The following INSRR variants were observed in gnomAD, a reference collection of about 807,000 sequenced individuals.
INSRR encodes the protein insulin receptor-related protein.
INSRR carries 114 observed loss-of-function variants against 130.0 expected under a neutral mutation model. That is an observed-to-expected ratio of 0.88 (90% CI 0.75 to 1.02). The LOEUF (loss-of-function observed/expected upper bound fraction) is 1.02. INSRR is among the 50% of genes least tolerant of loss of function. INSRR has a pLI of 0.00. For synonymous variants in INSRR, 674 were observed against 705.2 expected (o/e 0.96, Z 0.70); for missense variants, 1,657 against 1,735.2 (o/e 0.95, Z 0.80).
intron 4 of INSRR, 24 bp from the exon 5 acceptor site, chr1:156,851,458 G>C: frequency 6.2e-7 from 1 of 1,614,018 alleles, no homozygotes; most frequent in African/African-American, 1.3e-5. Flanking sequence ...GACAGGGCTG[G>C]AGTAGGAGCA....
At chr1:156,855,782 G>A (rs1461659208) in intron 1 of INSRR, among the ~76,000 whole-genome samples, 2 of 152,052 alleles carry the variant, frequency 1.3e-5, no homozygotes, top group African/African-American at 2.4e-5. Flanking sequence ...CCGTGATCAC[G>A]CCACTGCACT....
chr1:156,852,095 G>A lies in INSRR; in HGVS notation c.734C>T (p.Ala245Val), dbSNP rs1655236458. The change falls in exon 3 of 22, where the codon GCC (alanine) becomes GTC (valine). Residue 245 changes from alanine (A) to valine (V), a missense_variant. Ala to Val is a moderately conservative substitution (Grantham distance 64). Transcript: ENST00000368195. The stretch of plus-strand genomic sequence containing the variant: ...GTAGAGGTGGCGGCAAGCTACACAG[G>A]CACGAGGGTCTTCTGGCTGGCTGCA... Reference protein sequence around the residue: ...GGCSQPEDPRACVACRHLYFQ... With the variant: ...GGCSQPEDPRVCVACRHLYFQ... 6.2e-7 allele frequency: 1 copy of A among 1,613,616 alleles called. No homozygotes were observed. The highest frequency in any genetic ancestry group is 1.3e-5 in the African/African-American group (1 of 74,934).
In INSRR at chr1:156,851,939, T is replaced by C; in HGVS notation, c.890A>G (p.Gln297Arg). 6.2e-7 allele frequency: 1 copy of C among 1,604,256 alleles called. No homozygotes were observed. Among genetic ancestry groups the C allele is most frequent in the Non-Finnish European group, 8.5e-7 (1 of 1,172,520 alleles). Residue 297 changes from glutamine (Q) to arginine (R), a missense_variant, in exon 3 of 22, where the codon CAG (glutamine) becomes CGG (arginine). Gln to Arg is a conservative substitution (Grantham distance 43, BLOSUM62 1). Coordinates refer to ENST00000368195, the MANE Select transcript of INSRR (RefSeq NM_014215.3). ...AGGGCACTGGGCCAGGCAACTGCCC[T>C]GGTGTATGCCGAAGGTGGAGGCACG... Reference protein sequence around the residue: ...PGRASTFGIHQGSCLAQCPSG... With the variant: ...PGRASTFGIHRGSCLAQCPSG...
In INSRR at chr1:156,845,619, A is replaced by T. The variant is rs149045422; in HGVS notation, c.2174T>A (p.Ile725Lys). The T allele has an allele frequency of 1.3e-6, 2 of 1,508,270 alleles. No homozygotes were observed. The highest frequency in any genetic ancestry group is 8.9e-7 in the Non-Finnish European group (1 of 1,117,688). The allele number at this position is 1,508,270 out of a possible 1,614,324, so 93.4% of individuals were successfully genotyped here. ...NFLHNAITIP[I>K]SPWKVTSINK... Reference sequence around the variant, plus strand: ...CCCAGGCCGCGCGCGCTCTTCGCACATGGGGATGGTGATCGCGTTGTGTAG... The same window carrying T: ...CCCAGGCCGCGCGCGCTCTTCGCACTTGGGGATGGTGATCGCGTTGTGTAG... Residue 725 changes from isoleucine (I) to lysine (K), a missense_variant and splice_region_variant, in exon 10 of 22, where the codon ATA (isoleucine) becomes AAA (lysine). Transcript: ENST00000368195.
At position 156,858,745 on chromosome 1, in the gene INSRR, A is replaced by T; in HGVS notation, c.-124T>A. On this transcript the variant is annotated 5_prime_UTR_variant, in exon 1 of 22. Coordinates refer to ENST00000368195, the MANE Select transcript of INSRR (RefSeq NM_014215.3). ...GATAGGAGAGGGAGGGCAGGGGCAG[A>T]GAGACAAGGAATCCCACACAGAGAC... 1 of 760,142 alleles carries T rather than the reference A, an allele frequency of 1.3e-6. No individual in the cohort carries two copies. The highest frequency in any genetic ancestry group is 1.5e-5 in the South Asian group (1 of 68,358). The allele number at this position is 760,142 out of a possible 1,614,324, so 47.1% of individuals were successfully genotyped here. A position where few individuals can be genotyped will look rare whatever the true frequency, so the allele number is the denominator to read the frequency against.
Position 156,851,355 on chromosome 1 carries a change from A to G in INSRR, c.1164T>C (p.Phe388=). The change falls in exon 5 of 22, where the codon TTT becomes TTC. Residue 388 remains phenylalanine, a synonymous_variant. Transcript: ENST00000368195. ...TGAAAAAGCCCAGGGACACGAGGGC[A>G]AAGGAGTGCTTGATTTTGAGGAAGC... is the stretch of plus-strand genomic sequence containing the variant. ...ITGFLKIKHS[F]ALVSLGFFKN... The G allele has an allele frequency of 6.2e-7, 1 of 1,614,136 alleles. No homozygotes were observed. The highest frequency in any genetic ancestry group is 8.5e-7 in the Non-Finnish European group (1 of 1,179,998).
Position 156,848,802 on chromosome 1 carries a change from G to A in INSRR, c.1571+119C>T, listed in dbSNP as rs1045911215. 8.8e-6 allele frequency: 11 copies of A among 1,245,674 alleles called. No individual in the cohort carries two copies. The East Asian group carries it at 1.0e-4, about 12-fold the overall frequency. 77.2% of individuals were successfully genotyped at this position (1,245,674 alleles called of 1,614,324 possible). On this transcript the variant is annotated intron_variant, in intron 7 of 21. Transcript: ENST00000368195. Reference sequence around the variant, plus strand: ...GCCCTACCACGGAGTACAACTTGCGGGTCCTGGCTTCCTGGGTCTTCATAG... The same window carrying A: ...GCCCTACCACGGAGTACAACTTGCGAGTCCTGGCTTCCTGGGTCTTCATAG...
At chr1:156,846,394 T>A in intron 8 of INSRR, 125 bp downstream of exon 8, 1 of 829,916 alleles carries the variant, frequency 1.2e-6, no homozygotes, top group South Asian at 1.7e-5. Context: ...GACTCAAGCA[T>A]CTGGCCTTCC....
intron 7 of INSRR, 96 bp from the exon 8 acceptor site, chr1:156,846,853 C>G: frequency 9.8e-7 from 1 of 1,023,632 alleles, no homozygotes; most frequent in Admixed American, 1.8e-5. Flanking sequence ...CATTGTCCTT[C>G]CAGTATGCAT....
At position 156,840,849 on chromosome 1, in the gene INSRR, G is replaced by A; in HGVS notation, c.*24C>T. ...GTCCCTTCCTGTCTCCCCATGGGAG[G>A]CCAGCCAGGGAATGAGGTGCCCCTC... On this transcript the variant is annotated 3_prime_UTR_variant, in exon 22 of 22. Coordinates refer to ENST00000368195, the MANE Select transcript of INSRR (RefSeq NM_014215.3). 1.3e-6 allele frequency: 2 copies of A among 1,573,088 alleles called. No homozygotes were observed. Among genetic ancestry groups the A allele is most frequent in the Non-Finnish European group, 1.7e-6 (2 of 1,146,266 alleles).
At chr1:156,851,577 T>C in intron 4 of INSRR, 69 bp downstream of exon 4, 1 of 1,610,932 alleles carries the variant, frequency 6.2e-7, no homozygotes, top group Non-Finnish European at 8.5e-7. Flanking sequence ...GTTGGGTCAT[T>C]GTAAGGGTTG....
rs188542430 is a variant in INSRR, at chr1:156,851,179, C to T, written c.1229+111G>A. 170 of 1,185,516 alleles carry T rather than the reference C, an allele frequency of 1.4e-4. No homozygotes were observed. The highest frequency in any genetic ancestry group is 7.6e-4 in the Middle Eastern group (4 of 5,242). The allele number at this position is 1,185,516 out of a possible 1,614,324, so 73.4% of individuals were successfully genotyped here. A position where few individuals can be genotyped will look rare whatever the true frequency, so the allele number is the denominator to read the frequency against. On this transcript the variant is annotated intron_variant, in intron 5 of 21. Coordinates refer to ENST00000368195, the MANE Select transcript of INSRR (RefSeq NM_014215.3). ...AGAAGTTAACCTACTTAGAGTCACA[C>T]GCCTAGTGAGTAGCAAAATTGGTTC... is the stretch of plus-strand genomic sequence containing the variant.
chr1:156,858,283 C>T (rs1157328843), intron 1 of INSRR, among the ~76,000 whole-genome samples: 1 of 152,214 alleles, frequency 6.6e-6, no homozygotes, highest in African/African-American at 2.4e-5. Flanking sequence ...ATCACAGTTT[C>T]ACTAGTAGGG....
Position 156,840,651 on chromosome 1 carries a change from G to C in INSRR, c.*222C>G, listed in dbSNP as rs1317360927. On this transcript the variant is annotated 3_prime_UTR_variant, in exon 22 of 22. Coordinates refer to ENST00000368195, the MANE Select transcript of INSRR (RefSeq NM_014215.3). ...ACCTGATCTCTACTCCTCTGGCTTT[G>C]ACCCTGCTTGCTCTCCCCCGAGGGA... 1.7e-6 allele frequency: 1 copy of C among 589,728 alleles called. No homozygotes were observed. Among genetic ancestry groups the C allele is most frequent in the Admixed American group, 3.0e-5 (1 of 33,422 alleles). 36.5% of individuals were successfully genotyped at this position (589,728 alleles called of 1,614,324 possible). A position where few individuals can be genotyped will look rare whatever the true frequency, so the allele number is the denominator to read the frequency against.
Position 156,851,751 on chromosome 1 carries a change from CTT to C in INSRR, c.977_978del (p.Lys326ArgfsTer144). 1 of 1,613,766 alleles carries C rather than the reference CTT, an allele frequency of 6.2e-7. No homozygotes were observed. Among genetic ancestry groups the C allele is most frequent in the South Asian group, 1.1e-5 (1 of 91,064 alleles). On this transcript the variant is annotated frameshift_variant, in exon 4 of 22. Coordinates refer to ENST00000368195, the MANE Select transcript of INSRR (RefSeq NM_014215.3). LOFTEE classifies it high-confidence loss of function. ...ATGGTCTTGGTGCCTACCTTGCACTCTTTAGGGCACAGCCCCTCGCACTTGTG... is the reference window on the plus strand; with the variant it reads ...ATGGTCTTGGTGCCTACCTTGCACTCTAGGGCACAGCCCCTCGCACTTGTG... ...FCHKCEGLCP[K>X]ECKVGTKTID...
Position 156,840,970 on chromosome 1 carries a change from C to T in INSRR, c.3797G>A (p.Arg1266Gln), listed in dbSNP as rs12049299. The stretch of plus-strand genomic sequence containing the variant: ...GGTAGGCAGGGAGCCCCGGGCCCCC[C>T]GGCATTCCGGGCTGTAGTAGAAGGA... ...LLSFYYSPEC[R>Q]GARGSLPTTD... Residue 1266 changes from arginine (R) to glutamine (Q), a missense_variant, in exon 22 of 22, where the codon CGG (arginine) becomes CAG (glutamine). Coordinates refer to ENST00000368195, the MANE Select transcript of INSRR (RefSeq NM_014215.3). 4.1e-5 allele frequency: 66 copies of T among 1,613,570 alleles called. No homozygotes were observed. Among genetic ancestry groups the T allele is most frequent in the Non-Finnish European group, 5.0e-5 (59 of 1,179,872 alleles).
chr1:156,852,157 C>G lies in INSRR; in HGVS notation c.672G>C (p.Ala224=). 1 of 1,608,750 alleles carries G rather than the reference C, an allele frequency of 6.2e-7. No individual in the cohort carries two copies. The highest frequency in any genetic ancestry group is 2.2e-5 in the East Asian group (1 of 44,816). Residue 224 remains alanine (A), a synonymous_variant, in exon 3 of 22, where the codon GCG becomes GCC. Coordinates refer to ENST00000368195, the MANE Select transcript of INSRR (RefSeq NM_014215.3). ...CPCPHGMACT[A]RGECCHTECL... ...ATTCGGTGTGGCAGCACTCGCCCCT[C>G]GCTGTGCAAGCCATCCCATGGGGGC...
chr1:156,854,145 A>C lies in INSRR; in HGVS notation c.244T>G (p.Tyr82Asp). 1 of 1,614,164 alleles carries C rather than the reference A, an allele frequency of 6.2e-7. No individual in the cohort carries two copies. Among genetic ancestry groups the C allele is most frequent in the Non-Finnish European group, 8.5e-7 (1 of 1,180,036 alleles). ...SFPRLTQVTD[Y>D]LLLFRVYGLE... ...CCGTAGACACGGAAGAGCAGCAGGT[A>C]GTCGGTGACCTGGGTGAGGCGAGGG... Residue 82 changes from tyrosine (Y) to aspartate (D), a missense_variant, in exon 2 of 22, where the codon TAC becomes GAC. Physicochemically the swap from Tyr to Asp is radical, Grantham distance 160. Transcript: ENST00000368195. This position sits in a 1 kb window ranked among gnomAD's most constrained non-coding sequence, Gnocchi z 4.2.
At chr1:156,844,955 G>T in intron 12 of INSRR, 112 bp from the exon 13 acceptor site, 1 of 1,551,298 alleles carries the variant, frequency 6.4e-7, no homozygotes, top group East Asian at 2.3e-5. Context: ...TGGGATTATG[G>T]GAACTGAGAG....
Sources: allele counts gnomAD v4.1 joint callset (sites outside exome capture counted in the v4.1 genomes callset), GRCh38; gene constraint gnomAD v4.1.1; non-coding constraint Gnocchi (gnomAD v3.1); transcripts MANE v1.5; gene names NCBI Gene and HGNC (gene_info 2026-07-23, HGNC 2026-07-21).